The following ZDHHC11 variants were observed in gnomAD, a reference collection of about 807,000 sequenced individuals.
The protein encoded by ZDHHC11 is palmitoyltransferase ZDHHC11.
ZDHHC11 carries 44 observed loss-of-function variants against 51.3 expected under a neutral mutation model. The observed-to-expected ratio is 0.86, with a 90% CI of 0.67 to 1.10. ZDHHC11 has a LOEUF of 1.10. Ranked by LOEUF, ZDHHC11 falls within the 50% of genes least tolerant of loss-of-function variation. ZDHHC11 has a pLI of 0.00. For synonymous variants in ZDHHC11, 163 were observed against 222.0 expected, an observed-to-expected ratio of 0.73 and a Z score of 2.36; for missense variants, 400 against 537.7, an observed-to-expected ratio of 0.74 and a Z score of 2.53.
At chr5:811,233 A>G (rs1418358891) in intron 11 of ZDHHC11, among the ~76,000 whole-genome samples, 1 of 139,394 alleles carries the variant, frequency 7.2e-6, no homozygotes, top group African/African-American at 2.8e-5. Context: ...CTTAGTTTTT[A>G]CCTAATAATA....
chr5:822,150 A>T (rs1171846738), intron 8 of ZDHHC11, among the ~76,000 whole-genome samples: 1 of 151,328 alleles, frequency 6.6e-6, no homozygotes, highest in East Asian at 1.9e-4. Flanking sequence ...GAATGTGACT[A>T]TATGTGGAGA....
At chr5:816,815 G>A in intron 10 of ZDHHC11, 1 of 476,464 alleles carries the variant, frequency 2.1e-6, no homozygotes, top group Non-Finnish European at 4.1e-6. Context: ...AGTCTTAAAA[G>A]GTTTGATGGC....
chr5:813,321 C>G (rs1213078325), intron 11 of ZDHHC11, among the ~76,000 whole-genome samples: 2 of 141,450 alleles, frequency 1.4e-5, no homozygotes, highest in East Asian at 2.2e-4. Flanking sequence ...GAGTAAGACC[C>G]TGTCTCAAAA....
intron 7 of ZDHHC11, among the ~76,000 whole-genome samples, chr5:827,501 A>C (rs1159348079): frequency 2.6e-5 from 4 of 151,008 alleles, no homozygotes; most frequent in African/African-American, 9.8e-5. Context: ...CTAATGTATA[A>C]GGACTGAAAT....
intron 11 of ZDHHC11, among the ~76,000 whole-genome samples, chr5:807,787 C>T (rs1229023973): frequency 4.0e-5 from 6 of 151,782 alleles, no homozygotes; most frequent in Non-Finnish European, 7.4e-5. Flanking sequence ...CCACACTGGC[C>T]CAGAAACGAG....
At chr5:809,064 T>A (rs1371869540) in intron 11 of ZDHHC11, among the ~76,000 whole-genome samples, 1 of 147,736 alleles carries the variant, frequency 6.8e-6, no homozygotes, top group Non-Finnish European at 1.5e-5. Context: ...TTCCCAATAT[T>A]TTATTAAAAT....
At chr5:841,745 T>G (rs1421980939) in intron 4 of ZDHHC11, 1 of 993,094 alleles carries the variant, frequency 1.0e-6, no homozygotes, top group African/African-American at 1.7e-5. Context: ...AAAACCACAC[T>G]TCCAAAAATC....
intron 8 of ZDHHC11, chr5:824,140 G>A: frequency 2.2e-6 from 1 of 451,424 alleles, no homozygotes; most frequent in Non-Finnish European, 4.5e-6. Context: ...CCAGAAGCTG[G>A]CCCCATGACA....
At chr5:822,181 T>A (rs1169620599) in intron 8 of ZDHHC11, among the ~76,000 whole-genome samples, 1 of 151,312 alleles carries the variant, frequency 6.6e-6, no homozygotes. Context: ...AAAGAGGTAA[T>A]GGATGTTAGA....
intron 3 of ZDHHC11, among the ~76,000 whole-genome samples, chr5:843,963 TGCAGAG>T (rs1385870358): frequency 1.5e-4 from 6 of 41,294 alleles, no homozygotes; most frequent in African/African-American, 7.1e-4. Context: ...AGGTGGGGGG[TGCAGAG>T]GCAGGGGCAG....
Position 795,978 on chromosome 5 carries a change from G to GTA in ZDHHC11, c.*609_*610insTA, listed in dbSNP as rs1428110868. Reference sequence around the variant, plus strand: ...TACTGTATGCCCATTTCCCAGTACTGTGCTCCCATTTCTCAGTAGTGTACT... The same window carrying GTA: ...TACTGTATGCCCATTTCCCAGTACTGTATGCTCCCATTTCTCAGTAGTGTACT... On this transcript the variant is annotated 3_prime_UTR_variant, in exon 13 of 13. Coordinates refer to ENST00000283441, the MANE Select transcript of ZDHHC11 (RefSeq NM_024786.3). 6.1e-4 allele frequency: 93 copies of GTA among 153,594 alleles called. No homozygotes were observed. The highest frequency in any genetic ancestry group is 1.3e-3 in the South Asian group (6 of 4,800). 9.5% of individuals were successfully genotyped at this position (153,594 alleles called of 1,614,324 possible).
chr5:831,168 AAAG>A (rs1391781730), intron 7 of ZDHHC11, among the ~76,000 whole-genome samples: 2 of 149,442 alleles, frequency 1.3e-5, no homozygotes, highest in Non-Finnish European at 3.0e-5. Flanking sequence ...CTGCACAGGA[AAAG>A]AAGTAATAAG....
At position 813,202 on chromosome 5, in the gene ZDHHC11, C is replaced by A. The variant is rs1481188219; in HGVS notation, c.1181+1559G>T. ...AGTTGGCTCAGTGTGGTGGCATGAG[C>A]CTGTGGTCCCAGCTACTTGGGAGGC... On this transcript the variant is annotated intron_variant, in intron 11 of 12. Transcript: ENST00000283441. Among the ~76,000 whole-genome samples, 7 of 141,770 alleles carry A rather than the reference C, an allele frequency of 4.9e-5. 1 individual carries two copies. Among genetic ancestry groups the A allele is most frequent in the Admixed American group, 2.9e-4 (4 of 13,644 alleles). The allele number at this position is 141,770 out of a possible 152,430, so 93.0% of individuals were successfully genotyped here.
At chr5:819,450 A>T (rs1741272935) in intron 10 of ZDHHC11, 75 bp downstream of exon 10, 1 of 1,503,634 alleles carries the variant, frequency 6.7e-7, no homozygotes, top group African/African-American at 1.4e-5. Context: ...CCTTAACCTC[A>T]GCTTGGGGGA....
intron 3 of ZDHHC11, among the ~76,000 whole-genome samples, chr5:845,312 C>CA (rs531395537): frequency 8.2e-4 from 125 of 152,372 alleles, no homozygotes; most frequent in Middle Eastern, 6.8e-3. Context: ...AAAGACCCCT[C>CA]ATCTTCATCC....
At chr5:837,798 A>T (rs1744115122) in intron 5 of ZDHHC11, among the ~76,000 whole-genome samples, 1 of 151,926 alleles carries the variant, frequency 6.6e-6, no homozygotes, top group Non-Finnish European at 1.5e-5. Context: ...TGTCTCTCAC[A>T]GACCTGGGTC....
intron 1 of ZDHHC11, among the ~76,000 whole-genome samples, chr5:857,848 C>T (rs1748478808): frequency 6.8e-6 from 1 of 145,988 alleles, no homozygotes; most frequent in East Asian, 2.1e-4. Context: ...GTCTTTATGA[C>T]ACCAGGCCCC....
At chr5:799,327 T>C (rs1738079771) in intron 12 of ZDHHC11, among the ~76,000 whole-genome samples, 1 of 151,116 alleles carries the variant, frequency 6.6e-6, no homozygotes, top group Non-Finnish European at 1.5e-5. Flanking sequence ...CTGCTGTTAG[T>C]GGAAGAAGGC....
intron 4 of ZDHHC11, 100 bp from the exon 5 acceptor site, chr5:840,750 G>A: frequency 5.1e-6 from 8 of 1,580,746 alleles, no homozygotes; most frequent in Non-Finnish European, 6.9e-6. Flanking sequence ...GGGGCGGTGT[G>A]GGGACAGCCA....
Sources: gnomAD v4.1 joint callset for allele counts (sites outside exome capture counted in the v4.1 genomes callset) on GRCh38, gnomAD v4.1.1 for gene constraint, MANE v1.5 for transcripts, NCBI Gene and HGNC (gene_info 2026-07-23, HGNC 2026-07-21) for gene names.